Variants in GRM8 observed in about 807,000 individuals in gnomAD.
GRM8 encodes glutamate metabotropic receptor 8, also known as metabotropic glutamate receptor 8.
GRM8 carries 47 observed loss-of-function variants against 87.2 expected under a neutral mutation model. The observed-to-expected ratio is 0.54, with a 90% confidence interval of 0.43 to 0.69. GRM8 has a LOEUF of 0.69. Ranked by LOEUF, GRM8 falls within the 30% of genes least tolerant of loss-of-function variation. The pLI is 0.00. For synonymous variants in GRM8, 396 were observed against 404.5 expected, an observed-to-expected ratio of 0.98 and a Z score of 0.25; for missense variants, 1,019 against 1,139.2, an observed-to-expected ratio of 0.89 and a Z score of 1.52.
chr7:126,511,172 C>G (rs1439391354), intron 9 of GRM8: 1 of 152,056 alleles, frequency 6.6e-6, no homozygotes, highest in Non-Finnish European at 1.5e-5. Flanking sequence ...ATGGTCTTCA[C>G]GTAGTTGGGA....
At chr7:126,796,285 C>T (rs1037775122) in intron 6 of GRM8, among the ~76,000 whole-genome samples, 9 of 152,032 alleles carry the variant, frequency 5.9e-5, no homozygotes, top group African/African-American at 2.2e-4. Context: ...CCCAGTATCA[C>T]ATCAACATAT....
intron 3 of GRM8, among the ~76,000 whole-genome samples, chr7:127,094,561 G>A (rs1407115574): frequency 6.6e-6 from 1 of 152,174 alleles, no homozygotes; most frequent in African/African-American, 2.4e-5. Flanking sequence ...AATATCACCA[G>A]CAAACCACAA....
chr7:126,788,420 A>AAAAAAAAAAAAAAACAAAAAAAAAAAAAC, intron 6 of GRM8, among the ~76,000 whole-genome samples: 4 of 81,136 alleles, frequency 4.9e-5, no homozygotes, highest in African/African-American at 1.8e-4. Context: ...AAAAAAAAAA[A>AAAAAAAAAAAAAAACAAAAAAAAAAAAAC]AAACCCTTTC....
Position 126,520,937 on chromosome 7 carries a change from A to T in GRM8, c.2430+12015T>A, listed in dbSNP as rs550810531. On this transcript the variant is annotated intron_variant, in intron 9 of 10. Coordinates refer to ENST00000339582, the MANE Select transcript of GRM8 (RefSeq NM_000845.3). The stretch of plus-strand genomic sequence containing the variant: ...GGCAGTGTAACCAAGTGTTCGATAA[A>T]TTGCCATTTGATTGGACATTTTAGC... 5.3e-5 allele frequency among the ~76,000 whole-genome samples: 8 copies of T among 152,264 alleles called. No individual in the cohort carries two copies. In the East Asian group the frequency reaches 1.5e-3, roughly 29 times the overall value.
chr7:127,140,440 A>C (rs1292687603), intron 2 of GRM8, among the ~76,000 whole-genome samples: 1 of 152,112 alleles, frequency 6.6e-6, no homozygotes, highest in Non-Finnish European at 1.5e-5. Context: ...GGCAAATATA[A>C]TATTTCTACA....
At chr7:127,230,975 T>C (rs960386567) in intron 2 of GRM8, among the ~76,000 whole-genome samples, 2 of 152,248 alleles carry the variant, frequency 1.3e-5, no homozygotes, top group African/African-American at 2.4e-5. Context: ...TAGCCCTTTT[T>C]ACACGGTTTT....
chr7:126,793,294 G>A (rs758225114), intron 6 of GRM8, among the ~76,000 whole-genome samples: 1 of 152,022 alleles, frequency 6.6e-6, no homozygotes, highest in African/African-American at 2.4e-5. Context: ...TGCTTAGTTC[G>A]GTTTGCTGTA....
chr7:127,005,616 C>T (rs558011362), intron 3 of GRM8, among the ~76,000 whole-genome samples: 5 of 151,866 alleles, frequency 3.3e-5, no homozygotes, highest in Admixed American at 6.6e-5. Flanking sequence ...CTACTATTTT[C>T]TCAATCACTC....
chr7:126,790,677 A>C (rs1049325417), intron 6 of GRM8, among the ~76,000 whole-genome samples: 186 of 152,264 alleles, frequency 1.2e-3, no homozygotes, highest in African/African-American at 4.4e-3. Flanking sequence ...AGGGTGAAGA[A>C]GTTTTTGCCA....
At chr7:126,890,775 C>T (rs1374314982) in intron 6 of GRM8, among the ~76,000 whole-genome samples, 1 of 152,002 alleles carries the variant, frequency 6.6e-6, no homozygotes, top group Non-Finnish European at 1.5e-5. Flanking sequence ...AGGGGCTCCA[C>T]TTATGGACAG....
intron 3 of GRM8, among the ~76,000 whole-genome samples, chr7:127,006,175 T>C (rs17867730): frequency 0.047 from 7,118 of 151,984 alleles, 236 homozygotes; most frequent in Non-Finnish European, 0.074. Flanking sequence ...CACTTCATTT[T>C]TCCTCCTAAT....
intron 3 of GRM8, among the ~76,000 whole-genome samples, chr7:127,025,269 T>TATACACAC (rs1177636551): frequency 6.6e-6 from 1 of 152,046 alleles, no homozygotes; most frequent in African/African-American, 2.4e-5. Context: ...ATCCCCTCTT[T>TATACACAC]TTACACACTT....
chr7:127,188,279 T>A (rs1278301046), intron 2 of GRM8, among the ~76,000 whole-genome samples: 2 of 152,208 alleles, frequency 1.3e-5, no homozygotes, highest in African/African-American at 4.8e-5. Flanking sequence ...CTGAGCCAAA[T>A]GTCATTGGTT....
intron 8 of GRM8, among the ~76,000 whole-genome samples, chr7:126,575,457 T>G (rs116033608): frequency 1.3e-5 from 2 of 151,884 alleles, no homozygotes; most frequent in African/African-American, 2.4e-5. Flanking sequence ...ATAAATGTAA[T>G]GCACTTAAAT....
At chr7:126,582,350 G>A (rs1795690965) in intron 8 of GRM8, among the ~76,000 whole-genome samples, 1 of 152,126 alleles carries the variant, frequency 6.6e-6, no homozygotes, top group Non-Finnish European at 1.5e-5. Flanking sequence ...ATGAAAGCTG[G>A]CAGAGGTGAA....
At chr7:126,630,707 G>A (rs1801172521) in intron 7 of GRM8, among the ~76,000 whole-genome samples, 1 of 152,044 alleles carries the variant, frequency 6.6e-6, no homozygotes, top group African/African-American at 2.4e-5. Context: ...TCATCCCCGA[G>A]ATGCAAGGGT....
At chr7:126,683,491 C>A (rs1392593186) in intron 7 of GRM8, among the ~76,000 whole-genome samples, 2 of 152,176 alleles carry the variant, frequency 1.3e-5, no homozygotes, top group African/African-American at 4.8e-5. Flanking sequence ...ACATAAAGTG[C>A]AAAAGTATTT....
chr7:126,881,555 G>A (rs2130994509), intron 6 of GRM8, among the ~76,000 whole-genome samples: 1 of 152,302 alleles, frequency 6.6e-6, no homozygotes, highest in African/African-American at 2.4e-5. Flanking sequence ...AGAGCACAGG[G>A]AAGACATGGA....
At chr7:126,547,031 T>C (rs151270786) in intron 8 of GRM8, among the ~76,000 whole-genome samples, 49 of 152,312 alleles carry the variant, frequency 3.2e-4, no homozygotes, top group African/African-American at 1.2e-3. Flanking sequence ...TGGAATACTA[T>C]TAGCCAGCCT....
Sources: gnomAD v4.1 joint callset for allele counts (sites outside exome capture counted in the v4.1 genomes callset) on GRCh38, gnomAD v4.1.1 for gene constraint, MANE v1.5 for transcripts, NCBI Gene and HGNC (gene_info 2026-07-23, HGNC 2026-07-21) for gene names.